Variants in KCNH5 observed in about 807,000 individuals in gnomAD.
KCNH5 encodes the protein potassium voltage-gated channel subfamily H member 5.
In KCNH5, 46 loss-of-function variants were observed where a neutral mutation model predicts 96.1. That is an observed-to-expected ratio of 0.48 (90% CI 0.38 to 0.61). The LOEUF (loss-of-function observed/expected upper bound fraction) is 0.61. KCNH5 is among the 20% of genes least tolerant of loss of function. The pLI is 0.00. For missense variants in KCNH5, 907 were observed against 1,225.8 expected (o/e 0.74, Z 3.88); for synonymous variants, 439 against 449.8 (o/e 0.98, Z 0.30).
intron 9 of KCNH5, among the ~76,000 whole-genome samples, chr14:62,799,287 A>C (rs1237001979): frequency 6.6e-6 from 1 of 152,118 alleles, no homozygotes; most frequent in Non-Finnish European, 1.5e-5. Context: ...GATTTAAAAA[A>C]TACATAAAGT....
intron 3 of KCNH5, among the ~76,000 whole-genome samples, chr14:63,004,440 A>T (rs566762188): frequency 6.6e-6 from 1 of 152,356 alleles, no homozygotes; most frequent in Non-Finnish European, 1.5e-5. Flanking sequence ...ATAGAGAGTT[A>T]TCTGGAAAGA....
At chr14:63,008,180 T>C (rs530109849) in intron 2 of KCNH5, among the ~76,000 whole-genome samples, 33 of 152,264 alleles carry the variant, frequency 2.2e-4, no homozygotes, top group African/African-American at 7.7e-4. Flanking sequence ...ACATATTTAC[T>C]AGAGGCAGAT....
intron 7 of KCNH5, among the ~76,000 whole-genome samples, chr14:62,850,559 T>C (rs985594176): frequency 6.6e-6 from 1 of 152,138 alleles, no homozygotes; most frequent in Non-Finnish European, 1.5e-5. Flanking sequence ...TTGTCATTCA[T>C]CTACAGGGGA....
At chr14:62,971,216 C>T (rs557790718) in intron 6 of KCNH5, among the ~76,000 whole-genome samples, 2 of 152,172 alleles carry the variant, frequency 1.3e-5, no homozygotes, top group South Asian at 2.1e-4. Context: ...TTTCTGTATA[C>T]CAGCAAGGCA....
At chr14:63,035,616 T>C (rs1338484786) in intron 1 of KCNH5, among the ~76,000 whole-genome samples, 1 of 152,216 alleles carries the variant, frequency 6.6e-6, no homozygotes, top group African/African-American at 2.4e-5. Context: ...CTTCTTTTGC[T>C]CTAGGCAGTA....
At chr14:62,775,838 C>T (rs965113244) in intron 10 of KCNH5, among the ~76,000 whole-genome samples, 2 of 152,152 alleles carry the variant, frequency 1.3e-5, no homozygotes, top group Non-Finnish European at 2.9e-5. Context: ...TACAATCTTC[C>T]TCATTTCTTT....
chr14:62,940,481 C>A (rs1483705900), intron 7 of KCNH5, among the ~76,000 whole-genome samples: 1 of 152,136 alleles, frequency 6.6e-6, no homozygotes, highest in African/African-American at 2.4e-5. Flanking sequence ...AATAAAGAAT[C>A]AAATTTTTCT....
chr14:62,907,882 C>G (rs183307017), intron 7 of KCNH5, among the ~76,000 whole-genome samples: 10 of 152,210 alleles, frequency 6.6e-5, no homozygotes, highest in Admixed American at 2.0e-4. Flanking sequence ...AACCAATAGT[C>G]GATGTTCTCC....
intron 7 of KCNH5, among the ~76,000 whole-genome samples, chr14:62,900,307 A>G (rs1888899256): frequency 6.6e-6 from 1 of 152,230 alleles, no homozygotes; most frequent in African/African-American, 2.4e-5. Flanking sequence ...AGAAATTCAG[A>G]AGAGTTGGAA....
chr14:62,930,934 G>A lies in KCNH5; in HGVS notation c.1369+19199C>T, dbSNP rs79266444. On this transcript the variant is annotated intron_variant, in intron 7 of 10. Transcript: ENST00000322893. ...CTAAAGTATTAACCCTATGTGAAAA[G>A]TTTAGACCCTTGACTCAACCTACAT... 7.9e-4 allele frequency among the ~76,000 whole-genome samples: 121 copies of A among 152,206 alleles called. 1 individual carries two copies. In the East Asian group the frequency reaches 0.021, roughly 27 times the overall value.
At chr14:62,961,988 CAGATGCAGATGG>C (rs1230827222) in intron 6 of KCNH5, among the ~76,000 whole-genome samples, 15 of 140,282 alleles carry the variant, frequency 1.1e-4, no homozygotes, top group Admixed American at 2.8e-4. Context: ...GATAGAGATG[CAGATGCAGATGG>C]AGATGCAGAT....
At chr14:63,004,560 A>G (rs1048955054) in intron 3 of KCNH5, among the ~76,000 whole-genome samples, 1 of 152,230 alleles carries the variant, frequency 6.6e-6, no homozygotes, top group Admixed American at 6.5e-5. Flanking sequence ...TCAAGTAATT[A>G]CTAAGATGAT....
At chr14:62,959,871 G>A (rs1483245832) in intron 6 of KCNH5, among the ~76,000 whole-genome samples, 1 of 152,018 alleles carries the variant, frequency 6.6e-6, no homozygotes, top group African/African-American at 2.4e-5. Flanking sequence ...CTATCTACGG[G>A]AGTTTCCTAA....
At chr14:62,829,651 G>T (rs551615629) in intron 8 of KCNH5, among the ~76,000 whole-genome samples, 1 of 152,304 alleles carries the variant, frequency 6.6e-6, no homozygotes, top group East Asian at 1.9e-4. Flanking sequence ...AGAGCTCTGG[G>T]CCTGGACCAC....
At chr14:62,922,092 G>C (rs115174761) in intron 7 of KCNH5, among the ~76,000 whole-genome samples, 2,039 of 152,086 alleles carry the variant, frequency 0.013, 49 homozygotes, top group African/African-American at 0.047. Flanking sequence ...TATACATTCT[G>C]GGTTCCACCT....
chr14:62,750,491 G>T (rs1281622410), intron 10 of KCNH5, among the ~76,000 whole-genome samples: 1 of 152,176 alleles, frequency 6.6e-6, no homozygotes. Context: ...CTGCCGACAA[G>T]TCCAACTGGC....
At chr14:62,895,880 A>T (rs1162793142) in intron 7 of KCNH5, among the ~76,000 whole-genome samples, 3 of 152,008 alleles carry the variant, frequency 2.0e-5, no homozygotes, top group African/African-American at 4.8e-5. Context: ...TCTACTTTGA[A>T]CTCTGCCTTC....
chr14:62,767,371 T>C (rs1463838900), intron 10 of KCNH5, among the ~76,000 whole-genome samples: 1 of 152,130 alleles, frequency 6.6e-6, no homozygotes, highest in Non-Finnish European at 1.5e-5. Flanking sequence ...GACACACACA[T>C]GCATATTTTC....
chr14:62,872,055 A>T (rs1258608781), intron 7 of KCNH5, among the ~76,000 whole-genome samples: 1 of 152,186 alleles, frequency 6.6e-6, no homozygotes, highest in Admixed American at 6.5e-5. Flanking sequence ...TCTAATCAGC[A>T]GTTAAGCATA....
Sources: allele counts gnomAD v4.1 joint callset (sites outside exome capture counted in the v4.1 genomes callset), GRCh38; gene constraint gnomAD v4.1.1; transcripts MANE v1.5; gene names NCBI Gene and HGNC (gene_info 2026-07-23, HGNC 2026-07-21).